RIPPLY3: variants seen among roughly 807,000 people sequenced by gnomAD.
RIPPLY3 encodes protein ripply3.
RIPPLY3 carries 8 observed loss-of-function variants against 11.9 expected under a neutral mutation model. The ratio of observed to expected loss-of-function variants is 0.67; its 90% CI spans 0.40 to 1.21. RIPPLY3 has a LOEUF of 1.21. Ranked by LOEUF, RIPPLY3 falls within the 50% of genes most tolerant of loss-of-function variation. The pLI is 0.01. For missense variants in RIPPLY3, 271 were observed against 246.0 expected, an observed-to-expected ratio of 1.10 and a Z score of -0.68; for synonymous variants, 102 against 99.0, an observed-to-expected ratio of 1.03 and a Z score of -0.18.
chr21:37,010,828 G>T (rs1228291087), intron 2 of RIPPLY3, among the ~76,000 whole-genome samples: 1 of 152,168 alleles, frequency 6.6e-6, no homozygotes, highest in Non-Finnish European at 1.5e-5. Context: ...CTCTGCACCT[G>T]TCAGTCCTCA....
intron 2 of RIPPLY3, among the ~76,000 whole-genome samples, chr21:37,010,219 C>T (rs1210259158): frequency 6.6e-6 from 1 of 152,088 alleles, no homozygotes; most frequent in Non-Finnish European, 1.5e-5. Flanking sequence ...GTAGGCCGGG[C>T]GCGTGGCTCA....
intron 2 of RIPPLY3, among the ~76,000 whole-genome samples, chr21:37,009,156 C>G (rs889768843): frequency 1.3e-5 from 2 of 152,102 alleles, no homozygotes; most frequent in African/African-American, 4.8e-5. Context: ...TTTATACTTA[C>G]TGATGTAATG....
At chr21:37,014,872 A>T (rs893149720) in intron 3 of RIPPLY3, among the ~76,000 whole-genome samples, 1 of 152,158 alleles carries the variant, frequency 6.6e-6, no homozygotes, top group African/African-American at 2.4e-5. Flanking sequence ...GACCACAGGT[A>T]TGTGCCACCA....
chr21:37,008,241 C>T lies in RIPPLY3; in HGVS notation c.171+18C>T. 1 of 1,613,236 alleles carries T rather than the reference C, an allele frequency of 6.2e-7. No homozygotes were observed. Among genetic ancestry groups the T allele is most frequent in the Non-Finnish European group, 8.5e-7 (1 of 1,179,450 alleles). On this transcript the variant is annotated intron_variant, in intron 2 of 3. Coordinates refer to ENST00000329553, the MANE Select transcript of RIPPLY3 (RefSeq NM_018962.3). ...GAAGGCCGGTAAGGTTCAGTGCGGG[C>T]GTTGTAGGTAACCCTTCCAGCCAGA...
rs375281291 is a variant in RIPPLY3, at chr21:37,008,813, T to A, written c.171+590T>A. Among the ~76,000 whole-genome samples, 64 of 148,438 alleles carry A rather than the reference T, an allele frequency of 4.3e-4. 1 individual carries two copies. Among genetic ancestry groups the A allele is most frequent in the African/African-American group, 1.4e-3 (57 of 40,332 alleles). On this transcript the variant is annotated intron_variant, in intron 2 of 3. Transcript: ENST00000329553. ...CGTTTCATGGGAATTATAAGGAATG[T>A]CCTCCCTGTTGCGGTTTCTTCTGCA...
Position 37,014,319 on chromosome 21 carries a change from C to CA in RIPPLY3, c.239+712dup, listed in dbSNP as rs894691367. On this transcript the variant is annotated intron_variant, in intron 3 of 3. Transcript: ENST00000329553. ...GGCGACAAGAGCGAAACTCTGTCTC[C>CA]AAAAAAAAAAATCTATGTGTTGAGT... Among the ~76,000 whole-genome samples the CA allele has an allele frequency of 2.9e-3, 428 of 145,312 alleles. 1 individual carries two copies. Among genetic ancestry groups the CA allele is most frequent in the African/African-American group, 9.9e-3 (396 of 39,836 alleles).
Position 37,017,986 on chromosome 21 carries a change from G to A in RIPPLY3, c.352G>A (p.Glu118Lys). ...TGACTTCTACGACGATGAGTCTACTGAGTCTGCTTCCGAAGCTGAAGAGCC... is the reference window on the plus strand; with the variant it reads ...TGACTTCTACGACGATGAGTCTACTAAGTCTGCTTCCGAAGCTGAAGAGCC... The part of the protein sequence containing the change: ...TIDFYDDEST[E>K]SASEAEEPEE... The change falls in exon 4 of 4, where the codon GAG (glutamate) becomes AAG (lysine). Residue 118 changes from glutamate to lysine, a missense_variant. Transcript: ENST00000329553. 6.2e-7 allele frequency: 1 copy of A among 1,614,196 alleles called. No individual in the cohort carries two copies. Among genetic ancestry groups the A allele is most frequent in the South Asian group, 1.1e-5 (1 of 91,074 alleles).
chr21:37,017,639 G>A (rs1177831434), intron 3 of RIPPLY3, among the ~76,000 whole-genome samples: 1 of 152,146 alleles, frequency 6.6e-6, no homozygotes, highest in Non-Finnish European at 1.5e-5. Flanking sequence ...TGTCTGAATT[G>A]ACTGGCTCAG....
chr21:37,006,564 T>TCCGAC (rs559549872), upstream of RIPPLY3: 202 of 360,884 alleles, frequency 5.6e-4, 1 homozygote, highest in African/African-American at 3.9e-3. This position sits in a 1 kb window ranked among gnomAD's most constrained non-coding sequence, Gnocchi z 5.2. Flanking sequence ...CCTCCGCTCC[T>TCCGAC]CCGACCCGGG....
chr21:37,012,212 T>TTTTTTATTATTATTATTA (rs773284506), intron 2 of RIPPLY3, among the ~76,000 whole-genome samples: 24 of 132,510 alleles, frequency 1.8e-4, no homozygotes, highest in African/African-American at 5.7e-4. Context: ...CCGCTCCTTA[T>TTTTTTATTATTATTATTA]TTATTATTAT....
At chr21:37,012,561 A>C (rs536286041) in intron 2 of RIPPLY3, among the ~76,000 whole-genome samples, 1 of 152,094 alleles carries the variant, frequency 6.6e-6, no homozygotes, top group Non-Finnish European at 1.5e-5. Context: ...TCCTGCCCTC[A>C]TCCAGAAGCT....
At chr21:37,008,539 C>T (rs1018301397) in intron 2 of RIPPLY3, among the ~76,000 whole-genome samples, 2 of 152,120 alleles carry the variant, frequency 1.3e-5, no homozygotes, top group African/African-American at 4.8e-5. Flanking sequence ...GGGTGGATCA[C>T]CTGAAGTCAG....
rs986250748 is a variant in RIPPLY3, at chr21:37,006,885, G to C, written c.104+9G>C. Reference sequence around the variant, plus strand: ...CCGCGCGGGCCGGAGAGGTGAGGGTGGCCCCGCGCCCCGGTGGACGCGCTG... The same window carrying C: ...CCGCGCGGGCCGGAGAGGTGAGGGTCGCCCCGCGCCCCGGTGGACGCGCTG... On this transcript the variant is annotated intron_variant, in intron 1 of 3. Coordinates refer to ENST00000329553, the MANE Select transcript of RIPPLY3 (RefSeq NM_018962.3). This position sits in a 1 kb window ranked among gnomAD's most constrained non-coding sequence, Gnocchi z 5.2. 1 of 1,210,868 alleles carries C rather than the reference G, an allele frequency of 8.3e-7. No homozygotes were observed. The allele number at this position is 1,210,868 out of a possible 1,614,324, so 75.0% of individuals were successfully genotyped here.
chr21:37,011,929 CAAAAAAAAA>C (rs59382996), intron 2 of RIPPLY3, among the ~76,000 whole-genome samples: 703 of 47,108 alleles, frequency 0.015, 12 homozygotes, highest in African/African-American at 0.052. Flanking sequence ...GACTCCGTCT[CAAAAAAAAA>C]AAAAAAAAAA....
intron 1 of RIPPLY3, 130 bp downstream of exon 1, chr21:37,007,006 G>A: frequency 2.0e-6 from 1 of 511,004 alleles, no homozygotes; most frequent in Non-Finnish European, 2.9e-6. Flanking sequence ...GAGCTCGACG[G>A]CGACGCCAAG....
chr21:37,006,453 G>A, upstream of RIPPLY3: 1 of 243,196 alleles, frequency 4.1e-6, no homozygotes. The surrounding 1 kb of genome is among the most constrained non-coding windows in gnomAD (Gnocchi z 5.2). Flanking sequence ...GCCCGGGCCT[G>A]CCGGACCCCC....
In RIPPLY3 at chr21:37,006,820, C is replaced by T. The variant is rs1323999130; in HGVS notation, c.48C>T (p.Gly16=). 5 of 1,229,606 alleles carry T rather than the reference C, an allele frequency of 4.1e-6. No individual in the cohort carries two copies. Among genetic ancestry groups the T allele is most frequent in the Non-Finnish European group, 5.1e-6 (5 of 986,604 alleles). 76.2% of individuals were successfully genotyped at this position (1,229,606 alleles called of 1,614,324 possible). The change falls in exon 1 of 4, where the codon GGC becomes GGT. Residue 16 remains glycine, a synonymous_variant. Transcript: ENST00000329553. The surrounding 1 kb of genome is among the most constrained non-coding windows in gnomAD (Gnocchi z 5.2). ...GAGCCCGGAAGGCGCGGGGGCGCGG[C>T]TGTCACTGCCCCGGGGACGCTCCCT... ...AAGARKARGR[G]CHCPGDAPWR...
intron 3 of RIPPLY3, among the ~76,000 whole-genome samples, chr21:37,014,486 G>A (rs1462979043): frequency 6.6e-6 from 1 of 152,130 alleles, no homozygotes; most frequent in Non-Finnish European, 1.5e-5. Flanking sequence ...TTTTAGACAA[G>A]TGGCTCACGT....
intron 2 of RIPPLY3, among the ~76,000 whole-genome samples, chr21:37,013,292 T>C (rs535269511): frequency 2.0e-4 from 30 of 152,288 alleles, no homozygotes; most frequent in Admixed American, 9.2e-4. Context: ...TGCGTCTCTG[T>C]CCATTAGATT....
Sources: gnomAD v4.1 joint callset for allele counts (sites outside exome capture counted in the v4.1 genomes callset) on GRCh38, gnomAD v4.1.1 for gene constraint, Gnocchi (gnomAD v3.1) non-coding constraint, MANE v1.5 for transcripts, NCBI Gene and HGNC (gene_info 2026-07-23, HGNC 2026-07-21) for gene names.